Variants in MAGI2 observed in about 807,000 individuals in gnomAD.
The protein encoded by MAGI2 is membrane-associated guanylate kinase, WW and PDZ domain-containing protein 2.
Under a neutral mutation model 133.3 loss-of-function variants are expected in MAGI2, and 35 were observed. That is an observed-to-expected ratio of 0.26 (90% CI 0.20 to 0.35). The LOEUF is 0.35. MAGI2 is among the 10% of genes least tolerant of loss of function. The pLI is 1.00. For synonymous variants in MAGI2, 729 were observed against 710.6 expected (o/e 1.03, Z -0.41); for missense variants, 1,636 against 1,863.4 (o/e 0.88, Z 2.25).
At chr7:79,227,301 C>T (rs571271953) in intron 1 of MAGI2, among the ~76,000 whole-genome samples, 1 of 152,250 alleles carries the variant, frequency 6.6e-6, no homozygotes, top group South Asian at 2.1e-4. Flanking sequence ...GGATAATATA[C>T]CCACTGTAAT....
intron 13 of MAGI2, chr7:78,184,573 A>G (rs990236095): frequency 5.9e-5 from 9 of 151,952 alleles, no homozygotes; most frequent in Admixed American, 5.2e-4. Context: ...ATAAAACACT[A>G]TTTTCCGCAA....
intron 1 of MAGI2, among the ~76,000 whole-genome samples, chr7:79,086,786 A>G (rs1195744244): frequency 6.6e-6 from 1 of 151,866 alleles, no homozygotes; most frequent in Non-Finnish European, 1.5e-5. Flanking sequence ...AAAACTTTTT[A>G]TGAAACAATA....
intron 7 of MAGI2, among the ~76,000 whole-genome samples, chr7:78,368,351 C>A (rs1793593072): frequency 6.6e-6 from 1 of 152,086 alleles, no homozygotes; most frequent in Non-Finnish European, 1.5e-5. Flanking sequence ...TCTTGATGAA[C>A]AATGTGAAAG....
In MAGI2 at chr7:78,525,144, AGT is replaced by A. The variant is rs1218404112; in HGVS notation, c.539-3501_539-3500del. 4.6e-5 allele frequency among the ~76,000 whole-genome samples: 7 copies of A among 152,342 alleles called. No homozygotes were observed. In the East Asian group the frequency reaches 1.3e-3, roughly 29 times the overall value. ...TATACAACAATATTCTATTTCTATA[AGT>A]GTATGAAATACATCAGATTAAATTT... is the stretch of plus-strand genomic sequence containing the variant. On this transcript the variant is annotated intron_variant, in intron 3 of 21. Coordinates refer to ENST00000354212, the MANE Select transcript of MAGI2 (RefSeq NM_012301.4).
At chr7:78,035,760 T>C (rs1584902939) in intron 21 of MAGI2, among the ~76,000 whole-genome samples, 5 of 151,756 alleles carry the variant, frequency 3.3e-5, no homozygotes, top group Admixed American at 2.0e-4. Context: ...TTTTTTTTTT[T>C]ACTTTATTGT....
At chr7:78,826,268 G>A (rs376333702) in intron 2 of MAGI2, among the ~76,000 whole-genome samples, 11 of 150,872 alleles carry the variant, frequency 7.3e-5, no homozygotes, top group Admixed American at 4.0e-4. Flanking sequence ...GCAGGAGAAC[G>A]GCATGAACCC....
intron 6 of MAGI2, chr7:78,486,909 A>T: frequency 1.9e-6 from 1 of 518,234 alleles, no homozygotes; most frequent in Non-Finnish European, 3.9e-6. Context: ...GTGGGCCAGG[A>T]ACGTACCCAA....
intron 2 of MAGI2, among the ~76,000 whole-genome samples, chr7:78,924,509 G>A (rs1357966401): frequency 1.3e-5 from 2 of 151,042 alleles, no homozygotes; most frequent in East Asian, 1.9e-4. Flanking sequence ...ATTGATTTGT[G>A]TATATTGAAC....
chr7:78,705,135 A>G (rs12535118), intron 2 of MAGI2, among the ~76,000 whole-genome samples: 10,474 of 152,048 alleles, frequency 0.069, 416 homozygotes, highest in African/African-American at 0.078. Flanking sequence ...TTCCCATCCA[A>G]ATCTTATCTT....
chr7:79,036,360 A>G (rs1811128953), intron 1 of MAGI2, among the ~76,000 whole-genome samples: 1 of 152,204 alleles, frequency 6.6e-6, no homozygotes, highest in Non-Finnish European at 1.5e-5. Flanking sequence ...CACCCAATTC[A>G]TCCCCACATC....
chr7:79,052,790 A>T (rs1186505074), intron 1 of MAGI2, among the ~76,000 whole-genome samples: 1 of 152,202 alleles, frequency 6.6e-6, no homozygotes, highest in East Asian at 1.9e-4. Context: ...TTGAAGGCAC[A>T]TAATGAAAAT....
At chr7:78,948,359 TAG>T (rs755031798) in intron 2 of MAGI2, among the ~76,000 whole-genome samples, 51 of 152,004 alleles carry the variant, frequency 3.4e-4, no homozygotes, top group Admixed American at 5.9e-4. Context: ...AGCATATGAT[TAG>T]AGAGGATTGA....
At chr7:78,766,358 A>G (rs1031685765) in intron 2 of MAGI2, among the ~76,000 whole-genome samples, 6 of 152,166 alleles carry the variant, frequency 3.9e-5, no homozygotes, top group African/African-American at 1.4e-4. Flanking sequence ...GTCTTATAAC[A>G]AAAGTGATCT....
chr7:79,332,901 T>C (rs187960683), intron 1 of MAGI2, among the ~76,000 whole-genome samples: 1 of 152,322 alleles, frequency 6.6e-6, no homozygotes, highest in Admixed American at 6.5e-5. Flanking sequence ...GGATTAATTG[T>C]CTTTCTCAGT....
intron 10 of MAGI2, among the ~76,000 whole-genome samples, chr7:78,244,759 A>T (rs761720219): frequency 2.6e-5 from 4 of 152,192 alleles, no homozygotes; most frequent in Non-Finnish European, 5.9e-5. Flanking sequence ...CTTAATGCTA[A>T]TGAGTCCCTT....
chr7:79,374,696 T>A (rs1347341840), intron 1 of MAGI2, among the ~76,000 whole-genome samples: 4 of 152,036 alleles, frequency 2.6e-5, no homozygotes, highest in African/African-American at 9.7e-5. Flanking sequence ...TGCACACTTT[T>A]ACTACAATAA....
intron 6 of MAGI2, among the ~76,000 whole-genome samples, chr7:78,425,658 T>C (rs1401422210): frequency 5.3e-5 from 8 of 152,318 alleles, no homozygotes; most frequent in Non-Finnish European, 2.9e-5. Context: ...GTCTGTATAG[T>C]GCTAGAAGAT....
intron 21 of MAGI2, among the ~76,000 whole-genome samples, chr7:78,054,232 TCTC>T (rs1380882582): frequency 6.6e-6 from 1 of 152,030 alleles, no homozygotes; most frequent in African/African-American, 2.4e-5. Context: ...TTCCAGCTAT[TCTC>T]CTGCCTCAGC....
intron 9 of MAGI2, among the ~76,000 whole-genome samples, chr7:78,317,053 A>G (rs1365933659): frequency 1.3e-5 from 2 of 152,116 alleles, no homozygotes; most frequent in African/African-American, 2.4e-5. Context: ...CAACACATCT[A>G]TTTTCCCATA....
Sources: gnomAD v4.1 joint callset for allele counts (sites outside exome capture counted in the v4.1 genomes callset) on GRCh38, gnomAD v4.1.1 for gene constraint, MANE v1.5 for transcripts, NCBI Gene and HGNC (gene_info 2026-07-23, HGNC 2026-07-21) for gene names.